PDE4B: variants seen among roughly 807,000 people sequenced by gnomAD.
PDE4B encodes 3',5'-cyclic-AMP phosphodiesterase 4B.
A neutral mutation model predicts 82.2 loss-of-function variants in PDE4B; 20 were observed. The ratio of observed to expected loss-of-function variants is 0.24; its 90% confidence interval spans 0.17 to 0.35. The LOEUF (loss-of-function observed/expected upper bound fraction) is 0.35, where lower values mean the gene tolerates loss of function less well. Ranked by LOEUF, PDE4B falls within the 10% of genes least tolerant of loss-of-function variation. The pLI is 1.00. For missense variants in PDE4B, 655 were observed against 907.2 expected (o/e 0.72, Z 3.57); for synonymous variants, 320 against 318.9 (o/e 1.00, Z -0.04).
At chr1:65,848,279 C>T (rs549343869) in intron 1 of PDE4B, among the ~76,000 whole-genome samples, 15 of 152,136 alleles carry the variant, frequency 9.9e-5, no homozygotes, top group African/African-American at 1.4e-4. Flanking sequence ...GCTGAGACTA[C>T]AGGCATGTGC....
At chr1:66,017,558 A>G (rs936308955) in intron 3 of PDE4B, among the ~76,000 whole-genome samples, 2 of 152,190 alleles carry the variant, frequency 1.3e-5, no homozygotes, top group East Asian at 3.8e-4. Flanking sequence ...TGCTAATTCA[A>G]CTTTCTTAGT....
intron 3 of PDE4B, among the ~76,000 whole-genome samples, chr1:66,162,265 G>A (rs1029462874): frequency 1.6e-5 from 2 of 128,028 alleles, no homozygotes; most frequent in Non-Finnish European, 3.2e-5. Context: ...CAAGACTTGT[G>A]ATTTCATAGG....
At chr1:65,913,395 A>G in intron 2 of PDE4B, 39 bp downstream of exon 2, 1 of 1,597,764 alleles carries the variant, frequency 6.3e-7, no homozygotes, top group South Asian at 1.1e-5. Context: ...TGGTCTGTTC[A>G]ATAAAGAAGT....
intron 3 of PDE4B, among the ~76,000 whole-genome samples, chr1:66,210,592 TCTC>T (rs1649947552): frequency 2.0e-5 from 1 of 51,044 alleles, no homozygotes. Context: ...TGAGACTCCA[TCTC>T]AAAAAAAAAA....
chr1:66,052,293 T>TTGTG (rs1221322745), intron 3 of PDE4B, among the ~76,000 whole-genome samples: 1 of 152,180 alleles, frequency 6.6e-6, no homozygotes, highest in Non-Finnish European at 1.5e-5. Context: ...GTACTATCCT[T>TTGTG]TAAAAATTCA....
chr1:66,302,166 A>G (rs1227037603), intron 7 of PDE4B, among the ~76,000 whole-genome samples: 1 of 152,190 alleles, frequency 6.6e-6, no homozygotes, highest in Non-Finnish European at 1.5e-5. Flanking sequence ...GAAGTGACCC[A>G]CTGGCCTTGG....
intron 3 of PDE4B, among the ~76,000 whole-genome samples, chr1:66,093,410 G>A (rs886117490): frequency 2.0e-5 from 3 of 152,024 alleles, no homozygotes; most frequent in African/African-American, 4.8e-5. Context: ...AGCATACCCT[G>A]GATGACATGA....
intron 7 of PDE4B, among the ~76,000 whole-genome samples, chr1:66,324,388 G>A (rs1176452492): frequency 6.6e-6 from 1 of 151,830 alleles, no homozygotes; most frequent in African/African-American, 2.4e-5. Flanking sequence ...ATCACTTTGA[G>A]CAAATTGTTA....
intron 7 of PDE4B, among the ~76,000 whole-genome samples, chr1:66,272,101 C>T (rs1481464252): frequency 1.3e-5 from 2 of 152,206 alleles, no homozygotes; most frequent in East Asian, 1.9e-4. Flanking sequence ...AGGCTGTCCA[C>T]GTGCCTGTGT....
chr1:66,200,849 C>T (rs1479481081), intron 3 of PDE4B, among the ~76,000 whole-genome samples: 2 of 152,144 alleles, frequency 1.3e-5, no homozygotes, highest in African/African-American at 2.4e-5. Flanking sequence ...CCTTCTCCTA[C>T]CTAATTGCCC....
At position 66,273,479 on chromosome 1, in the gene PDE4B, G is replaced by A. The variant is rs369150072; in HGVS notation, c.634+7392G>A. Among the ~76,000 whole-genome samples the A allele has an allele frequency of 1.2e-4, 19 of 152,318 alleles. No homozygotes were observed. In the South Asian group the frequency reaches 3.5e-3, roughly 28 times the overall value. On this transcript the variant is annotated intron_variant, in intron 7 of 16. Coordinates refer to ENST00000341517, the MANE Select transcript of PDE4B (RefSeq NM_002600.4). Reference sequence around the variant, plus strand: ...GCCCTGATATATACTATGTGCATAGGAAATACTACTTCCTTTACCCATTTC... The same window carrying A: ...GCCCTGATATATACTATGTGCATAGAAAATACTACTTCCTTTACCCATTTC...
chr1:66,155,969 G>A (rs977618667), intron 3 of PDE4B, among the ~76,000 whole-genome samples: 1 of 152,128 alleles, frequency 6.6e-6, no homozygotes, highest in African/African-American at 2.4e-5. Flanking sequence ...GTTAATCCAT[G>A]CCCTTGACTT....
At chr1:66,274,163 A>ATT (rs113124574) in intron 7 of PDE4B, among the ~76,000 whole-genome samples, 40 of 143,356 alleles carry the variant, frequency 2.8e-4, no homozygotes, top group South Asian at 1.1e-3. Context: ...AAAAATGGGC[A>ATT]TTTTTTTTTT....
intron 3 of PDE4B, among the ~76,000 whole-genome samples, chr1:65,976,967 A>G (rs2100641944): frequency 6.6e-6 from 1 of 152,352 alleles, no homozygotes; most frequent in African/African-American, 2.4e-5. Context: ...TTGACTTGAC[A>G]CATGTGATAG....
intron 3 of PDE4B, among the ~76,000 whole-genome samples, chr1:66,022,960 T>G (rs961886052): frequency 1.3e-5 from 2 of 152,162 alleles, no homozygotes; most frequent in African/African-American, 4.8e-5. Flanking sequence ...CTTGGTAGGC[T>G]ATTAATTATT....
rs577968430 is a variant in PDE4B at position 65,868,713 on chromosome 1, C to T, written c.-70-44532C>T. ...CTGTGGCCTGTTAGGAATTGGGCCA[C>T]GCAGCCGCAGGTGAGCTGTGGCTGA... On this transcript the variant is annotated intron_variant, in intron 1 of 16. Transcript: ENST00000341517. Among the ~76,000 whole-genome samples the T allele has an allele frequency of 4.6e-5, 7 of 152,280 alleles. No individual in the cohort carries two copies. In the South Asian group the frequency reaches 6.2e-4, roughly 14 times the overall value.
intron 1 of PDE4B, among the ~76,000 whole-genome samples, chr1:65,794,010 C>T (rs1645604129): frequency 6.6e-6 from 1 of 152,144 alleles, no homozygotes; most frequent in Non-Finnish European, 1.5e-5. Context: ...AGGAGGAGCG[C>T]ACAGAAGAAT....
At chr1:65,979,113 A>G (rs1242343256) in intron 3 of PDE4B, among the ~76,000 whole-genome samples, 1 of 152,194 alleles carries the variant, frequency 6.6e-6, no homozygotes, top group Non-Finnish European at 1.5e-5. Context: ...TACTGAAATG[A>G]AGGTCCTTAT....
At chr1:65,878,691 T>G (rs565099014) in intron 1 of PDE4B, among the ~76,000 whole-genome samples, 1 of 151,628 alleles carries the variant, frequency 6.6e-6, no homozygotes, top group African/African-American at 2.4e-5. Flanking sequence ...TGAGAACACA[T>G]GGACACAGGG....
Sources: gnomAD v4.1 joint callset for allele counts (sites outside exome capture counted in the v4.1 genomes callset) on GRCh38, gnomAD v4.1.1 for gene constraint, MANE v1.5 for transcripts, NCBI Gene and HGNC (gene_info 2026-07-23, HGNC 2026-07-21) for gene names.